The following TRAPPC12 variants were observed in gnomAD, a reference collection of about 807,000 sequenced individuals.
TRAPPC12 encodes the protein trafficking protein particle complex subunit 12.
Under a neutral mutation model 69.2 loss-of-function variants are expected in TRAPPC12, and 61 were observed. The observed-to-expected ratio is 0.88, with a 90% CI of 0.72 to 1.09. TRAPPC12 has a LOEUF of 1.09. Ranked by LOEUF, TRAPPC12 falls within the 50% of genes least tolerant of loss-of-function variation. TRAPPC12 has a pLI of 0.00. For missense variants in TRAPPC12, 1,101 were observed against 1,016.4 expected (o/e 1.08, Z -1.13); for synonymous variants, 469 against 438.9 (o/e 1.07, Z -0.86).
chr2:3,431,011 T>C (rs1180532964), intron 5 of TRAPPC12, among the ~76,000 whole-genome samples: 1 of 152,034 alleles, frequency 6.6e-6, no homozygotes, highest in African/African-American at 2.4e-5. Flanking sequence ...CCGCTGGGTG[T>C]GGAGGAGCTC....
At chr2:3,448,613 G>A (rs1401887022) in intron 6 of TRAPPC12, among the ~76,000 whole-genome samples, 2 of 137,186 alleles carry the variant, frequency 1.5e-5, no homozygotes, top group Admixed American at 1.4e-4. Context: ...TCGAGGGTAG[G>A]GCGTCTAGAG....
intron 2 of TRAPPC12, among the ~76,000 whole-genome samples, chr2:3,392,630 G>A (rs1660886991): frequency 6.6e-6 from 1 of 152,222 alleles, no homozygotes; most frequent in Admixed American, 6.5e-5. Context: ...TCAGGGAAAT[G>A]CAAATCAAAA....
chr2:3,421,850 G>T (rs773528398), intron 3 of TRAPPC12, 31 bp from the exon 4 acceptor site: 4 of 1,590,808 alleles, frequency 2.5e-6, no homozygotes, highest in Non-Finnish European at 3.5e-6. Flanking sequence ...TTGCATGTGT[G>T]TTTGGTCACA....
chr2:3,394,419 G>A (rs779648728), intron 2 of TRAPPC12, among the ~76,000 whole-genome samples: 2 of 152,076 alleles, frequency 1.3e-5, no homozygotes, highest in South Asian at 2.1e-4. Context: ...TCAGGAGATC[G>A]AGACCACCCT....
rs34956958 is a variant in TRAPPC12, at chr2:3,383,871, G to GTTTTTTTTTTTTT, written c.-4-3720_-4-3708dup. Among the ~76,000 whole-genome samples, 56 of 85,582 alleles carry GTTTTTTTTTTTTT rather than the reference G, an allele frequency of 6.5e-4. 13 individuals carry two copies. The highest frequency in any genetic ancestry group is 1.0e-3 in the Non-Finnish European group (44 of 42,898). The allele number at this position is 85,582 out of a possible 152,430, so 56.1% of individuals were successfully genotyped here. On this transcript the variant is annotated intron_variant, in intron 1 of 11. Coordinates refer to ENST00000324266, the MANE Select transcript of TRAPPC12 (RefSeq NM_016030.6). The stretch of plus-strand genomic sequence containing the variant: ...TATTCCCTTGTGATAGTTCAGTCTT[G>GTTTTTTTTTTTTT]TTTTTTTTTTTTTTTTTTTTTTTTT...
intron 9 of TRAPPC12, among the ~76,000 whole-genome samples, chr2:3,476,392 C>T (rs1299441088): frequency 6.6e-6 from 1 of 152,172 alleles, no homozygotes; most frequent in Admixed American, 6.5e-5. Context: ...AGCCACGGGG[C>T]CCTGATTCCT....
At chr2:3,440,603 T>C (rs554656820) in intron 5 of TRAPPC12, among the ~76,000 whole-genome samples, 6 of 152,330 alleles carry the variant, frequency 3.9e-5, no homozygotes, top group African/African-American at 1.4e-4. Flanking sequence ...TTTATAATTA[T>C]GTCATTGCAA....
intron 5 of TRAPPC12, among the ~76,000 whole-genome samples, chr2:3,432,355 C>G (rs577598317): frequency 4.6e-5 from 7 of 152,332 alleles, no homozygotes; most frequent in Non-Finnish European, 8.8e-5. Flanking sequence ...GTCTGCTCCT[C>G]TATGTGCATA....
In TRAPPC12 at chr2:3,388,253, C is replaced by T. The variant is rs771806325; in HGVS notation, c.630C>T (p.Phe210=). The change falls in exon 2 of 12, where the codon TTC becomes TTT. Residue 210 remains phenylalanine, a synonymous_variant. Transcript: ENST00000324266. ...VQPSPSLSTF[F]GDTAASHSLA... is the part of the protein sequence containing the mutation. ...CCAGCCCCAGCCTCAGCACGTTCTTCGGAGACACGGCCGCCAGCCACTCCT... is the reference window on the plus strand; with the variant it reads ...CCAGCCCCAGCCTCAGCACGTTCTTTGGAGACACGGCCGCCAGCCACTCCT... 2.1e-5 allele frequency: 33 copies of T among 1,608,558 alleles called. 1 individual carries two copies. In the South Asian group the frequency reaches 3.1e-4, roughly 15 times the overall value.
intron 3 of TRAPPC12, among the ~76,000 whole-genome samples, chr2:3,421,410 T>C (rs1485656085): frequency 6.6e-6 from 1 of 152,250 alleles, no homozygotes; most frequent in East Asian, 1.9e-4. Context: ...ATTAAAATTA[T>C]GAACATATAA....
At chr2:3,466,261 A>G (rs1252540605) in intron 9 of TRAPPC12, 4 of 471,100 alleles carry the variant, frequency 8.5e-6, no homozygotes, top group Non-Finnish European at 1.8e-5. Context: ...CAGGCGGAGC[A>G]CAGGGCAGCT....
At chr2:3,475,547 A>C (rs1666256692) in intron 9 of TRAPPC12, among the ~76,000 whole-genome samples, 1 of 151,934 alleles carries the variant, frequency 6.6e-6, no homozygotes, top group South Asian at 2.1e-4. Flanking sequence ...TTGTATCCTA[A>C]TTACATTTTA....
Position 3,463,670 on chromosome 2 carries a change from C to T in TRAPPC12, c.1678-1927C>T, listed in dbSNP as rs190307888. Among the ~76,000 whole-genome samples, 473 of 151,808 alleles carry T rather than the reference C, an allele frequency of 3.1e-3. 2 individuals carry two copies. Among genetic ancestry groups the T allele is most frequent in the African/African-American group, 8.2e-3 (340 of 41,342 alleles). The stretch of plus-strand genomic sequence containing the variant: ...CATCGCCCACTAGCAGTGAGTGCTG[C>T]GCCCCCACCACGCCCCCACCCTGCG... On this transcript the variant is annotated intron_variant, in intron 8 of 11. Transcript: ENST00000324266.
At chr2:3,424,341 T>C (rs893483776) in intron 4 of TRAPPC12, among the ~76,000 whole-genome samples, 184 bp from the exon 5 acceptor site, 4 of 152,342 alleles carry the variant, frequency 2.6e-5, no homozygotes, top group African/African-American at 9.6e-5. Context: ...GCATGAGGCA[T>C]CATGCCCAGC....
rs2103139838 is a variant in TRAPPC12, at chr2:3,460,274, C to T, written c.1615C>T (p.Leu539=). ...TQEGRQASIR[L]WRSRLGRVMY... Reference sequence around the variant, plus strand: ...CTCTTACCTTGTAGCCTCTATCCGGCTGTGGAGGTCACGTCTGGGCCGGGT... The same window carrying T: ...CTCTTACCTTGTAGCCTCTATCCGGTTGTGGAGGTCACGTCTGGGCCGGGT... Residue 539 remains leucine, a synonymous_variant, in exon 8 of 12, where the codon CTG becomes TTG. Coordinates refer to ENST00000324266, the MANE Select transcript of TRAPPC12 (RefSeq NM_016030.6). 2.3e-6 allele frequency: 2 copies of T among 873,840 alleles called. No individual in the cohort carries two copies. Among genetic ancestry groups the T allele is most frequent in the East Asian group, 4.8e-5 (2 of 41,712 alleles). 54.1% of individuals were successfully genotyped at this position (873,840 alleles called of 1,614,324 possible). A position where few individuals can be genotyped will look rare whatever the true frequency, so the allele number is the denominator to read the frequency against.
At position 3,388,115 on chromosome 2, in the gene TRAPPC12, C is replaced by A; in HGVS notation, c.492C>A (p.Ser164Arg). 3 of 1,571,844 alleles carry A rather than the reference C, an allele frequency of 1.9e-6. No homozygotes were observed. The highest frequency in any genetic ancestry group is 1.4e-5 in the African/African-American group (1 of 73,416). Residue 164 changes from serine to arginine, a missense_variant, in exon 2 of 12, where the codon AGC becomes AGA. Transcript: ENST00000324266. ...CGGTCCCGGTGTGCACCATCTTCAG[C>A]CAGCGCGCGCCCCCAGCCTCCGGGG... ...AEPVPVCTIF[S>R]QRAPPASGDG... is the part of the protein sequence containing the mutation.
intron 3 of TRAPPC12, 44 bp from the exon 4 acceptor site, chr2:3,421,837 G>T (rs748634173): frequency 6.4e-7 from 1 of 1,555,054 alleles, no homozygotes; most frequent in East Asian, 2.2e-5. Flanking sequence ...ATTCCACCAT[G>T]CCTTGCATGT....
chr2:3,468,045 C>T (rs79841699), intron 9 of TRAPPC12: 14,196 of 152,310 alleles, frequency 0.093, 852 homozygotes, highest in Middle Eastern at 0.14. Context: ...AGCTCACATT[C>T]AGAGCCCTAG....
At chr2:3,426,238 A>G (rs1663094313) in intron 5 of TRAPPC12, among the ~76,000 whole-genome samples, 1 of 152,270 alleles carries the variant, frequency 6.6e-6, no homozygotes, top group Admixed American at 6.5e-5. Context: ...TTTAATAACT[A>G]AAATAGGGCA....
Sources: gnomAD v4.1 joint callset for allele counts (sites outside exome capture counted in the v4.1 genomes callset) on GRCh38, gnomAD v4.1.1 for gene constraint, MANE v1.5 for transcripts, NCBI Gene and HGNC (gene_info 2026-07-23, HGNC 2026-07-21) for gene names.